TRIO: variants seen among roughly 807,000 people sequenced by gnomAD.
The protein encoded by TRIO is triple functional domain protein.
Under a neutral mutation model 351.9 loss-of-function variants are expected in TRIO, and 58 were observed. The ratio of observed to expected loss-of-function variants is 0.16; its 90% confidence interval spans 0.13 to 0.21. TRIO has a LOEUF of 0.21. Ranked by LOEUF, TRIO falls within the 10% of genes least tolerant of loss-of-function variation. The pLI is 1.00. For missense variants in TRIO, 3,201 were observed against 4,027.8 expected (o/e 0.79, Z 5.56); for synonymous variants, 1,758 against 1,595.7 (o/e 1.10, Z -2.42).
At chr5:14,189,742 T>C (rs75974635) in intron 1 of TRIO, among the ~76,000 whole-genome samples, 1 of 151,352 alleles carries the variant, frequency 6.6e-6, no homozygotes, top group South Asian at 2.1e-4. Flanking sequence ...TTTTTTTTTT[T>C]CAAGATGGGG....
chr5:14,497,887 C>A lies in TRIO; in HGVS notation c.8047+13C>A, dbSNP rs946035368. 4 of 1,614,148 alleles carry A rather than the reference C, an allele frequency of 2.5e-6. No homozygotes were observed. The highest frequency in any genetic ancestry group is 3.4e-6 in the Non-Finnish European group (4 of 1,179,996). On this transcript the variant is annotated intron_variant, in intron 51 of 56. Transcript: ENST00000344204. This position sits in a 1 kb window ranked among gnomAD's most constrained non-coding sequence, Gnocchi z 4.4. Reference sequence around the variant, plus strand: ...TACATTTATGACGGTGAGTTCTGTTCTTTTTCTTCTAGTCCTAGAGATGAT... The same window carrying A: ...TACATTTATGACGGTGAGTTCTGTTATTTTTCTTCTAGTCCTAGAGATGAT...
intron 8 of TRIO, among the ~76,000 whole-genome samples, chr5:14,315,039 A>G (rs1449941955): frequency 6.6e-6 from 1 of 152,222 alleles, no homozygotes; most frequent in East Asian, 1.9e-4. Context: ...ATTGAAAAGT[A>G]AACGTGTTAC....
At chr5:14,284,804 G>A (rs1359263720) in intron 3 of TRIO, among the ~76,000 whole-genome samples, 1 of 152,204 alleles carries the variant, frequency 6.6e-6, no homozygotes, top group Non-Finnish European at 1.5e-5. Flanking sequence ...TATTGCCACC[G>A]TTTTACAATC....
intron 34 of TRIO, among the ~76,000 whole-genome samples, chr5:14,428,019 T>C (rs941336319): frequency 6.6e-6 from 1 of 152,150 alleles, no homozygotes; most frequent in African/African-American, 2.4e-5. Flanking sequence ...GCCTCTAGCA[T>C]TTCTCCAGGT....
chr5:14,256,228 ACT>A (rs1454620510), intron 1 of TRIO, among the ~76,000 whole-genome samples: 3 of 151,984 alleles, frequency 2.0e-5, no homozygotes, highest in African/African-American at 4.8e-5. Context: ...GGGAGGTGCT[ACT>A]CTCTTTGAAA....
chr5:14,466,264 A>C (rs1297117518), intron 37 of TRIO: 2 of 153,766 alleles, frequency 1.3e-5, no homozygotes, highest in African/African-American at 4.8e-5. Flanking sequence ...GGTCAGCTCC[A>C]GTCTGTCTGA....
chr5:14,250,305 G>A (rs1006761506), intron 1 of TRIO, among the ~76,000 whole-genome samples: 1 of 152,194 alleles, frequency 6.6e-6, no homozygotes, highest in African/African-American at 2.4e-5. Flanking sequence ...TCGGCTCAGA[G>A]CGACTGTGCG....
At chr5:14,221,478 T>C (rs1210692994) in intron 1 of TRIO, among the ~76,000 whole-genome samples, 1 of 152,226 alleles carries the variant, frequency 6.6e-6, no homozygotes, top group Non-Finnish European at 1.5e-5. Flanking sequence ...GGAAACCTTC[T>C]GGAAAGGTCA....
chr5:14,488,088 G>A lies in TRIO; in HGVS notation c.7460G>A (p.Ser2487Asn). Reference sequence around the variant, plus strand: ...CTGCAGAAGGGGGGCTCCTTCTGGAGCTCCATCCCCGCCTCCCCCGCCAGC... The same window carrying A: ...CTGCAGAAGGGGGGCTCCTTCTGGAACTCCATCCCCGCCTCCCCCGCCAGC... ...SPLQKGGSFW[S>N]SIPASPASRP... Residue 2487 changes from serine to asparagine, a missense_variant, in exon 48 of 57, where the codon AGC becomes AAC. This residue lies in a region of TRIO where 1,089 missense variants were observed against 954.9 expected (regional missense o/e 1.14). Transcript: ENST00000344204. 6.2e-7 allele frequency: 1 copy of A among 1,604,444 alleles called. No homozygotes were observed. The highest frequency in any genetic ancestry group is 8.5e-7 in the Non-Finnish European group (1 of 1,178,198).
intron 1 of TRIO, among the ~76,000 whole-genome samples, chr5:14,210,873 A>G (rs1287168893): frequency 1.3e-5 from 2 of 152,022 alleles, no homozygotes; most frequent in African/African-American, 2.4e-5. Flanking sequence ...ATCCGTCCTT[A>G]TCTTGTCCTA....
chr5:14,145,491 TA>T (rs561363817), intron 1 of TRIO, among the ~76,000 whole-genome samples: 8 of 105,876 alleles, frequency 7.6e-5, no homozygotes, highest in African/African-American at 4.1e-4. Context: ...TAAAGAAAGC[TA>T]CCCCCCCCCA....
intron 1 of TRIO, among the ~76,000 whole-genome samples, chr5:14,245,742 TG>T (rs1794399890): frequency 6.6e-6 from 1 of 152,182 alleles, no homozygotes; most frequent in Non-Finnish European, 1.5e-5. Context: ...ACGGGGCAAA[TG>T]AAGGGCAGGC....
At chr5:14,241,877 AT>A (rs1008654003) in intron 1 of TRIO, among the ~76,000 whole-genome samples, 13 of 151,418 alleles carry the variant, frequency 8.6e-5, no homozygotes, top group Admixed American at 2.0e-4. Context: ...AGCTTAGAAC[AT>A]TTTTTTTTGT....
chr5:14,169,894 A>G (rs185428758), intron 1 of TRIO, among the ~76,000 whole-genome samples: 2 of 152,370 alleles, frequency 1.3e-5, no homozygotes, highest in Non-Finnish European at 2.9e-5. Flanking sequence ...TAGGCAAAGC[A>G]TTTTAGAAAG....
intron 14 of TRIO, among the ~76,000 whole-genome samples, 173 bp from the exon 15 acceptor site, chr5:14,364,477 T>G (rs1225782001): frequency 6.6e-6 from 1 of 152,238 alleles, no homozygotes; most frequent in Non-Finnish European, 1.5e-5. Context: ...GTGGATTGAT[T>G]GCCTATACAT....
At chr5:14,280,572 C>A in intron 3 of TRIO, 136 bp downstream of exon 3, 2 of 744,386 alleles carry the variant, frequency 2.7e-6, no homozygotes, top group Admixed American at 2.6e-5. Context: ...TTATCTTTCA[C>A]CTTATTACCA....
chr5:14,456,043 A>G (rs978419556), intron 34 of TRIO, among the ~76,000 whole-genome samples: 3 of 152,228 alleles, frequency 2.0e-5, no homozygotes, highest in Admixed American at 6.5e-5. Context: ...CGAGAATTCA[A>G]GCGCGGTGCG....
intron 1 of TRIO, among the ~76,000 whole-genome samples, chr5:14,145,350 A>G (rs1787444760): frequency 6.6e-6 from 1 of 152,078 alleles, no homozygotes; most frequent in African/African-American, 2.4e-5. Flanking sequence ...TCATTTTAGC[A>G]GATTGGTTGT....
Position 14,336,746 on chromosome 5 carries a change from A to G in TRIO, c.2046+19A>G. On this transcript the variant is annotated intron_variant, in intron 11 of 56. Coordinates refer to ENST00000344204, the MANE Select transcript of TRIO (RefSeq NM_007118.4). ...GAAAGAGGTAAGGTGCCAGGAGACCAAAATATGATCTGTGCTTGAAAGGGT... is the reference window on the plus strand; with the variant it reads ...GAAAGAGGTAAGGTGCCAGGAGACCGAAATATGATCTGTGCTTGAAAGGGT... 6.2e-7 allele frequency: 1 copy of G among 1,613,470 alleles called. No individual in the cohort carries two copies. Among genetic ancestry groups the G allele is most frequent in the Non-Finnish European group, 8.5e-7 (1 of 1,179,506 alleles).
Sources: gnomAD v4.1 joint callset for allele counts (sites outside exome capture counted in the v4.1 genomes callset) on GRCh38, gnomAD v4.1.1 for gene constraint, gnomAD v4.1.1 regional missense constraint, Gnocchi (gnomAD v3.1) non-coding constraint, MANE v1.5 for transcripts, NCBI Gene and HGNC (gene_info 2026-07-23, HGNC 2026-07-21) for gene names.